Variants in ANK3 observed in about 807,000 individuals in gnomAD.
The protein encoded by ANK3 is ankyrin 3.
ANK3 carries 57 observed loss-of-function variants against 370.9 expected under a neutral mutation model. The observed-to-expected ratio is 0.15, with a 90% CI of 0.12 to 0.19. ANK3 has a LOEUF of 0.19. ANK3 is among the 10% of genes least tolerant of loss of function. The pLI, the probability that ANK3 is intolerant of heterozygous loss-of-function variation, is 1.00. For missense variants in ANK3, 4,439 were observed against 5,302.1 expected, an observed-to-expected ratio of 0.84 and a Z score of 5.06; for synonymous variants, 1,929 against 1,946.3, an observed-to-expected ratio of 0.99 and a Z score of 0.23.
chr10:60,139,115 C>A, intron 23 of ANK3, 28 bp from the exon 24 acceptor site: 1 of 1,602,496 alleles, frequency 6.2e-7, no homozygotes, highest in Non-Finnish European at 8.5e-7. Flanking sequence ...AAGCCCACAT[C>A]AAAAGCTTCC....
exon 1 of ANK3, chr10:60,733,381 C>T: frequency 1.6e-6 from 2 of 1,216,128 alleles, no homozygotes; most frequent in Non-Finnish European, 2.1e-6. Context: ...CGTCCCGCTC[C>T]TCGGGCCTCC....
intron 1 of ANK3, among the ~76,000 whole-genome samples, chr10:60,630,536 C>A (rs913106241): frequency 6.6e-6 from 1 of 152,116 alleles, no homozygotes; most frequent in African/African-American, 2.4e-5. Flanking sequence ...AGGAACTAAT[C>A]AGAGTGAAGT....
At chr10:60,160,780 C>A (rs1236070201) in intron 23 of ANK3, among the ~76,000 whole-genome samples, 1 of 151,936 alleles carries the variant, frequency 6.6e-6, no homozygotes, top group Non-Finnish European at 1.5e-5. Flanking sequence ...ACATCATATC[C>A]AAAGAATAAA....
chr10:60,582,343 A>G (rs917160023), intron 2 of ANK3, among the ~76,000 whole-genome samples: 40 of 152,166 alleles, frequency 2.6e-4, no homozygotes, highest in African/African-American at 8.0e-4. Flanking sequence ...CATCTATCTG[A>G]GGCAGTACAT....
At chr10:60,104,458 T>C (rs1246239345) in intron 28 of ANK3, among the ~76,000 whole-genome samples, 2 of 150,262 alleles carry the variant, frequency 1.3e-5, no homozygotes, top group East Asian at 3.9e-4. Context: ...ACCCCAGCCT[T>C]ACTACTCAGT....
intron 7 of ANK3, among the ~76,000 whole-genome samples, chr10:60,240,299 TATATA>T (rs1271483215): frequency 2.3e-4 from 23 of 101,804 alleles, no homozygotes; most frequent in African/African-American, 6.8e-4. Flanking sequence ...TATATATATA[TATATA>T]TATTTTTTTT....
At position 60,026,998 on chromosome 10, in the gene ANK3, T is replaced by C. The variant is rs1245757800; in HGVS notation, c.*2848A>G. ...ACATATACATGTATAAATATATGCATATACACACATATGCAAGTTAAATCT... is the reference window on the plus strand; with the variant it reads ...ACATATACATGTATAAATATATGCACATACACACATATGCAAGTTAAATCT... On this transcript the variant is annotated 3_prime_UTR_variant, in exon 44 of 44. Transcript: ENST00000280772. The C allele has an allele frequency of 2.0e-5, 3 of 152,168 alleles. No individual in the cohort carries two copies. The highest frequency in any genetic ancestry group is 4.4e-5 in the Non-Finnish European group (3 of 68,036). 9.4% of individuals were successfully genotyped at this position (152,168 alleles called of 1,614,324 possible). A position where few individuals can be genotyped will look rare whatever the true frequency, so the allele number is the denominator to read the frequency against.
At chr10:60,514,938 G>A (rs1486942098) in intron 2 of ANK3, among the ~76,000 whole-genome samples, 7 of 152,000 alleles carry the variant, frequency 4.6e-5, no homozygotes, top group South Asian at 2.1e-4. Flanking sequence ...GTCTTTGGTT[G>A]ATAACTAACT....
At position 60,076,109 on chromosome 10, in the gene ANK3, T is replaced by C; in HGVS notation, c.4772A>G (p.Asn1591Ser). The change falls in exon 37 of 44, where the codon AAT (asparagine) becomes AGT (serine). Residue 1591 changes from asparagine (N) to serine (S), a missense_variant. Asn to Ser is a conservative substitution (Grantham distance 46). Transcript: ENST00000280772. Reference protein sequence around the residue: ...IKTVVSQSPYNIQVSSGTLAR... With the variant: ...IKTVVSQSPYSIQVSSGTLAR... The stretch of plus-strand genomic sequence containing the variant: ...CAGGGTACCAGAGGAAACTTGGATA[T>C]TGTATGGAGATTGTGACACCACAGT... The C allele has an allele frequency of 6.2e-7, 1 of 1,614,186 alleles. No homozygotes were observed. The highest frequency in any genetic ancestry group is 8.5e-7 in the Non-Finnish European group (1 of 1,180,016).
chr10:60,597,079 C>T (rs888424095), intron 2 of ANK3, among the ~76,000 whole-genome samples: 2 of 152,118 alleles, frequency 1.3e-5, no homozygotes, highest in Admixed American at 6.5e-5. Context: ...AAATTCTTAG[C>T]ATTCCCCTCC....
chr10:60,592,389 A>G (rs770100405), intron 2 of ANK3, among the ~76,000 whole-genome samples: 11 of 152,262 alleles, frequency 7.2e-5, no homozygotes, highest in Non-Finnish European at 1.3e-4. Context: ...AGTGCACACC[A>G]TAACCAGCCT....
chr10:60,601,481 T>C (rs773709516), intron 2 of ANK3, among the ~76,000 whole-genome samples: 1 of 152,056 alleles, frequency 6.6e-6, no homozygotes, highest in Non-Finnish European at 1.5e-5. Flanking sequence ...ATAATCCCAG[T>C]GTCACCATCA....
intron 17 of ANK3, among the ~76,000 whole-genome samples, chr10:60,186,128 T>C (rs2096321392): frequency 6.6e-6 from 1 of 152,290 alleles, no homozygotes; most frequent in East Asian, 1.9e-4. Flanking sequence ...AACATGTTTG[T>C]GAAATAAAGC....
At chr10:60,117,217 G>T (rs1361334360) in intron 25 of ANK3, among the ~76,000 whole-genome samples, 1 of 152,156 alleles carries the variant, frequency 6.6e-6, no homozygotes, top group Admixed American at 6.5e-5. Flanking sequence ...CAAAGTGAAG[G>T]ACTGACCCAA....
chr10:60,661,832 G>T (rs767432154), intron 1 of ANK3, among the ~76,000 whole-genome samples: 1 of 152,110 alleles, frequency 6.6e-6, no homozygotes, highest in Non-Finnish European at 1.5e-5. Flanking sequence ...ATCTGGCTCC[G>T]TTGGGCTACA....
intron 1 of ANK3, among the ~76,000 whole-genome samples, chr10:60,293,683 T>C (rs1337171498): frequency 2.0e-5 from 3 of 152,144 alleles, no homozygotes; most frequent in African/African-American, 7.2e-5. Flanking sequence ...CTTTGTCCCA[T>C]TAAACATAAA....
chr10:60,557,762 TTC>T, intron 2 of ANK3, among the ~76,000 whole-genome samples: 1 of 152,204 alleles, frequency 6.6e-6, no homozygotes, highest in East Asian at 1.9e-4. Flanking sequence ...CAGAGGGAAA[TTC>T]TATAAAAGGC....
At chr10:60,507,903 T>G (rs1385947755) in intron 2 of ANK3, 1 of 152,134 alleles carries the variant, frequency 6.6e-6, no homozygotes, top group Non-Finnish European at 1.5e-5. Flanking sequence ...AAAATGCCTC[T>G]GGACTTCCTT....
At chr10:60,464,558 A>T (rs1429959305) in intron 2 of ANK3, among the ~76,000 whole-genome samples, 1 of 152,186 alleles carries the variant, frequency 6.6e-6, no homozygotes, top group African/African-American at 2.4e-5. Flanking sequence ...ACATGCAGAG[A>T]ACCCCCGATG....
Sources: gnomAD v4.1 joint callset for allele counts (sites outside exome capture counted in the v4.1 genomes callset) on GRCh38, gnomAD v4.1.1 for gene constraint, MANE v1.5 for transcripts, NCBI Gene and HGNC (gene_info 2026-07-23, HGNC 2026-07-21) for gene names.